PCED1B: variants seen among roughly 807,000 people sequenced by gnomAD.
The protein encoded by PCED1B is PC-esterase domain containing 1B, also known as PC-esterase domain-containing protein 1B.
For missense variants in PCED1B, 573 were observed against 573.9 expected (o/e 1.00, Z 0.02); for synonymous variants, 251 against 246.1 (o/e 1.02, Z -0.19).
At chr12:47,188,659 A>T (rs1226590931) in intron 2 of PCED1B, among the ~76,000 whole-genome samples, 1 of 152,248 alleles carries the variant, frequency 6.6e-6, no homozygotes. Context: ...AGATGCAAAC[A>T]TAGTACAGAA....
chr12:47,197,330 G>A (rs542113821), intron 2 of PCED1B, among the ~76,000 whole-genome samples: 75 of 151,410 alleles, frequency 5.0e-4, no homozygotes, highest in South Asian at 1.5e-3. Context: ...ATGATAGCCC[G>A]GTGCAGTGGC....
intron 2 of PCED1B, among the ~76,000 whole-genome samples, chr12:47,176,899 A>AG (rs1383270506): frequency 1.3e-5 from 2 of 152,178 alleles, no homozygotes; most frequent in African/African-American, 4.8e-5. Context: ...AGAAGCATTG[A>AG]ATGTTGAGAG....
intron 1 of PCED1B, among the ~76,000 whole-genome samples, chr12:47,088,304 T>C (rs1938086249): frequency 6.6e-6 from 1 of 152,238 alleles, no homozygotes; most frequent in Non-Finnish European, 1.5e-5. Context: ...ATGATGTTTG[T>C]ACTAATTATG....
intron 2 of PCED1B, among the ~76,000 whole-genome samples, chr12:47,134,520 C>G (rs1940266857): frequency 6.6e-6 from 1 of 152,120 alleles, no homozygotes; most frequent in South Asian, 2.1e-4. Flanking sequence ...GCTACCTCTC[C>G]CCACCTGCAT....
At chr12:47,088,402 C>T (rs1478786584) in intron 1 of PCED1B, among the ~76,000 whole-genome samples, 1 of 152,160 alleles carries the variant, frequency 6.6e-6, no homozygotes, top group African/African-American at 2.4e-5. Flanking sequence ...TCTCTCTCAG[C>T]TGCTGCAGAC....
chr12:47,175,148 G>A (rs188416117), intron 2 of PCED1B, among the ~76,000 whole-genome samples: 118 of 152,098 alleles, frequency 7.8e-4, no homozygotes, highest in Non-Finnish European at 6.8e-4. Flanking sequence ...ATCACAAATC[G>A]TAAAAGAGGT....
intron 2 of PCED1B, among the ~76,000 whole-genome samples, chr12:47,160,873 G>A (rs1014814481): frequency 4.6e-5 from 7 of 152,116 alleles, no homozygotes; most frequent in Admixed American, 3.3e-4. Context: ...TGTGTGGTTC[G>A]GTTCTGTTCT....
chr12:47,207,436 AGCTGCCTGAGGCT>A (rs1942945473), intron 2 of PCED1B, among the ~76,000 whole-genome samples: 1 of 152,226 alleles, frequency 6.6e-6, no homozygotes, highest in East Asian at 1.9e-4. Flanking sequence ...CACACCTTCC[AGCTGCCTGAGGCT>A]GCTGCCTCCT....
chr12:47,102,363 TCTTTA>T (rs1938744873), intron 1 of PCED1B, among the ~76,000 whole-genome samples: 2 of 152,358 alleles, frequency 1.3e-5, no homozygotes, highest in East Asian at 3.9e-4. Flanking sequence ...TCACATCATG[TCTTTA>T]CTTGTAATAA....
intron 3 of PCED1B, among the ~76,000 whole-genome samples, chr12:47,232,286 C>T (rs1291159078): frequency 6.6e-6 from 1 of 152,140 alleles, no homozygotes; most frequent in Non-Finnish European, 1.5e-5. Flanking sequence ...CCACTGCACC[C>T]AGCCAAAACT....
intron 2 of PCED1B, among the ~76,000 whole-genome samples, chr12:47,196,356 A>T (rs1189590256): frequency 9.2e-5 from 14 of 152,242 alleles, no homozygotes; most frequent in Admixed American, 9.2e-4. Context: ...CAGTTTTCTG[A>T]TCCATAAAAT....
chr12:47,150,100 A>G (rs1940935029), intron 2 of PCED1B, among the ~76,000 whole-genome samples: 1 of 152,200 alleles, frequency 6.6e-6, no homozygotes, highest in Admixed American at 6.5e-5. Context: ...TTAAATGTGT[A>G]CTATTTTTAT....
At chr12:47,128,305 G>C (rs1456020379) in intron 2 of PCED1B, among the ~76,000 whole-genome samples, 1 of 152,056 alleles carries the variant, frequency 6.6e-6, no homozygotes, top group East Asian at 1.9e-4. Flanking sequence ...ACATACAACA[G>C]ATAAAAGTGT....
chr12:47,140,372 G>T (rs1034334352), intron 2 of PCED1B, among the ~76,000 whole-genome samples: 5 of 152,172 alleles, frequency 3.3e-5, no homozygotes, highest in Admixed American at 6.5e-5. Context: ...GATGTAAAAT[G>T]TGGGTTTGAA....
intron 2 of PCED1B, among the ~76,000 whole-genome samples, chr12:47,163,219 CA>C (rs1941444302): frequency 6.6e-6 from 1 of 152,088 alleles, no homozygotes; most frequent in Non-Finnish European, 1.5e-5. Flanking sequence ...TCAGATGGTT[CA>C]TTTTTAGTGT....
At chr12:47,080,821 CCTT>C (rs1285690046) in intron 1 of PCED1B, among the ~76,000 whole-genome samples, 2 of 152,156 alleles carry the variant, frequency 1.3e-5, no homozygotes, top group African/African-American at 4.8e-5. Flanking sequence ...CCCTCTCTCT[CCTT>C]TCTCTTTCGT....
chr12:47,092,691 G>C (rs1418466324), intron 1 of PCED1B, among the ~76,000 whole-genome samples: 3 of 151,994 alleles, frequency 2.0e-5, no homozygotes. Flanking sequence ...AGAAAGTTCT[G>C]TTCTTAATTG....
In PCED1B at chr12:47,155,671, T is replaced by C. The variant is rs557705025; in HGVS notation, c.-526+51476T>C. Among the ~76,000 whole-genome samples the C allele has an allele frequency of 3.9e-5, 6 of 152,256 alleles. No homozygotes were observed. In the South Asian group the frequency reaches 1.2e-3, roughly 32 times the overall value. On this transcript the variant is annotated intron_variant, in intron 2 of 3. Coordinates refer to ENST00000546455, the MANE Select transcript of PCED1B (RefSeq NM_138371.3). ...TTGAGCTCCTAGAGGTTAGGTAAAG[T>C]ATGAAGGTGAAGCTGCCAGGAGTGA... is the stretch of plus-strand genomic sequence containing the variant.
rs184582947 is a variant in PCED1B at position 47,228,121 on chromosome 12, C to T, written c.-57-6886C>T. On this transcript the variant is annotated intron_variant, in intron 3 of 3. Transcript: ENST00000546455. Reference sequence around the variant, plus strand: ...CGATCTCAGCTCGCTGCAACCTCCTCCTTTCTGGACTCAAGCAATTCTCGT... The same window carrying T: ...CGATCTCAGCTCGCTGCAACCTCCTTCTTTCTGGACTCAAGCAATTCTCGT... 2.9e-3 allele frequency among the ~76,000 whole-genome samples: 444 copies of T among 151,816 alleles called. 4 individuals carry two copies. The highest frequency in any genetic ancestry group is 0.01 in the African/African-American group (415 of 41,380).
Sources: gnomAD v4.1 joint callset for allele counts (sites outside exome capture counted in the v4.1 genomes callset) on GRCh38, gnomAD v4.1.1 for gene constraint, MANE v1.5 for transcripts, NCBI Gene and HGNC (gene_info 2026-07-23, HGNC 2026-07-21) for gene names.